The following SHISA9 variants were observed in gnomAD, a reference collection of about 807,000 sequenced individuals.
SHISA9 encodes shisa family member 9.
A neutral mutation model predicts 38.0 loss-of-function variants in SHISA9; 13 were observed. The observed-to-expected ratio is 0.34, with a 90% CI of 0.22 to 0.54. The LOEUF is 0.54. Among genes scored for constraint, SHISA9 ranks in the 20% least tolerant of loss-of-function variants. The pLI, the probability that SHISA9 is intolerant of heterozygous loss-of-function variation, is 0.91. For synonymous variants in SHISA9, 275 were observed against 242.0 expected (o/e 1.14, Z -1.27); for missense variants, 538 against 575.8 (o/e 0.93, Z 0.67).
At chr16:13,131,570 G>A (rs2050307076) in intron 2 of SHISA9, among the ~76,000 whole-genome samples, 1 of 151,942 alleles carries the variant, frequency 6.6e-6, no homozygotes, top group Non-Finnish European at 1.5e-5. Flanking sequence ...CATGACACAT[G>A]TTTACCTATG....
chr16:12,913,674 C>T (rs898799067), intron 1 of SHISA9, among the ~76,000 whole-genome samples: 1 of 152,222 alleles, frequency 6.6e-6, no homozygotes, highest in African/African-American at 2.4e-5. Context: ...TTCCTCTCCC[C>T]TCACTGTGTC....
the SHISA9 span, among the ~76,000 whole-genome samples, chr16:13,505,092 T>G: frequency 1.3e-5 from 2 of 152,240 alleles, no homozygotes; most frequent in Non-Finnish European, 2.9e-5. Flanking sequence ...TCTGCTTTCT[T>G]GTTTGTCTCA....
At chr16:13,457,514 C>G in the SHISA9 span, among the ~76,000 whole-genome samples, 1 of 151,990 alleles carries the variant, frequency 6.6e-6, no homozygotes, top group Non-Finnish European at 1.5e-5. Context: ...AAATCCCACA[C>G]ACACTTGCAG....
At chr16:12,971,183 A>G (rs145809932) in intron 2 of SHISA9, among the ~76,000 whole-genome samples, 3,951 of 152,270 alleles carry the variant, frequency 0.026, 123 homozygotes, top group South Asian at 0.074. Context: ...CTTCGGGGCA[A>G]ATATTTAAAA....
chr16:12,970,463 G>T (rs868680663), intron 2 of SHISA9, among the ~76,000 whole-genome samples: 1 of 24,618 alleles, frequency 4.1e-5, no homozygotes, highest in Admixed American at 8.8e-4. Flanking sequence ...ATACATATAT[G>T]TGTGTGTATA....
At chr16:13,551,039 G>A in the SHISA9 span, among the ~76,000 whole-genome samples, 90 of 151,764 alleles carry the variant, frequency 5.9e-4, no homozygotes, top group South Asian at 2.1e-3. Flanking sequence ...AAGGAGAATC[G>A]CTTGAACCTG....
chr16:13,429,663 A>G, the SHISA9 span, among the ~76,000 whole-genome samples: 23 of 152,228 alleles, frequency 1.5e-4, no homozygotes, highest in South Asian at 4.1e-4. Context: ...AATTCAACAT[A>G]GGAATTTGGG....
the SHISA9 span, chr16:13,350,728 T>G: frequency 1.3e-5 from 2 of 152,196 alleles, no homozygotes; most frequent in Non-Finnish European, 2.9e-5. Context: ...CCTAAGCTGC[T>G]TTTTTCAAAG....
At chr16:13,481,591 T>C in the SHISA9 span, among the ~76,000 whole-genome samples, 1 of 152,306 alleles carries the variant, frequency 6.6e-6, no homozygotes, top group East Asian at 1.9e-4. Context: ...CTCTGCCCTG[T>C]AAACACTGTG....
intron 2 of SHISA9, among the ~76,000 whole-genome samples, chr16:13,070,146 GTGTGTGTGCA>G (rs2073494926): frequency 1.3e-5 from 2 of 151,852 alleles, no homozygotes; most frequent in Admixed American, 6.6e-5. Flanking sequence ...GTGTGTGTGT[GTGTGTGTGCA>G]CGCATGTGTC....
At chr16:13,461,068 ATTTGCTCAAACATC>A in the SHISA9 span, among the ~76,000 whole-genome samples, 1 of 152,144 alleles carries the variant, frequency 6.6e-6, no homozygotes. Context: ...GACAGTTTTG[ATTTGCTCAAACATC>A]TTTGGCAAAT....
At chr16:13,409,721 C>G in the SHISA9 span, among the ~76,000 whole-genome samples, 4 of 152,296 alleles carry the variant, frequency 2.6e-5, no homozygotes, top group South Asian at 2.1e-4. Context: ...CTCTGCAGCA[C>G]CAACTATCAG....
the SHISA9 span, among the ~76,000 whole-genome samples, chr16:13,545,966 T>A: frequency 4.6e-5 from 7 of 152,254 alleles, no homozygotes; most frequent in East Asian, 1.4e-3. Context: ...CTTGCCAAAC[T>A]GGTAGGACGT....
At chr16:13,453,254 T>C in the SHISA9 span, among the ~76,000 whole-genome samples, 1 of 152,214 alleles carries the variant, frequency 6.6e-6, no homozygotes, top group Non-Finnish European at 1.5e-5. Flanking sequence ...TGGGGATATG[T>C]GTCCCAGGCT....
the SHISA9 span, among the ~76,000 whole-genome samples, chr16:13,437,074 C>G: frequency 6.6e-6 from 1 of 152,226 alleles, no homozygotes; most frequent in East Asian, 1.9e-4. Context: ...TACCTCCCAC[C>G]GGGTCCCTCC....
the SHISA9 span, among the ~76,000 whole-genome samples, chr16:13,340,180 C>G: frequency 6.6e-6 from 1 of 152,274 alleles, no homozygotes; most frequent in East Asian, 1.9e-4. Context: ...CAGTGGCTGT[C>G]AAGATTATCT....
intron 2 of SHISA9, among the ~76,000 whole-genome samples, chr16:13,138,223 C>T (rs566089521): frequency 6.6e-6 from 1 of 152,168 alleles, no homozygotes; most frequent in African/African-American, 2.4e-5. Flanking sequence ...AATGCAAAAT[C>T]TGAGGCCTCA....
At chr16:13,247,396 A>C in the SHISA9 span, among the ~76,000 whole-genome samples, 2 of 152,170 alleles carry the variant, frequency 1.3e-5, no homozygotes, top group Admixed American at 1.3e-4. Flanking sequence ...AGTAACCTTG[A>C]AAGGGTTCAT....
the SHISA9 span, among the ~76,000 whole-genome samples, chr16:13,359,868 A>G: frequency 6.6e-6 from 1 of 152,222 alleles, no homozygotes; most frequent in African/African-American, 2.4e-5. Flanking sequence ...CATTATTTGC[A>G]GATAGGCAGC....
Sources: allele counts gnomAD v4.1 joint callset (sites outside exome capture counted in the v4.1 genomes callset), GRCh38; gene constraint gnomAD v4.1.1; transcripts MANE v1.5; gene names NCBI Gene and HGNC (gene_info 2026-07-23, HGNC 2026-07-21).